The following SPMIP11 variants were observed in gnomAD, a reference collection of about 807,000 sequenced individuals.
SPMIP11 encodes the protein sperm microtubule inner protein 11, also known as long intergenic non-protein coding RNA 935.
chr12:48,757,506 C>A, the SPMIP11 span, among the ~76,000 whole-genome samples: 1 of 151,290 alleles, frequency 6.6e-6, no homozygotes, highest in African/African-American at 2.4e-5. Context: ...ATGAGCCAGG[C>A]GTGGTGGTGA....
the SPMIP11 span, among the ~76,000 whole-genome samples, chr12:48,752,414 C>T: frequency 2.0e-5 from 3 of 152,144 alleles, no homozygotes; most frequent in East Asian, 1.9e-4. Flanking sequence ...AAGAGCACCC[C>T]GACCAGTGAC....
chr12:48,742,986 C>T, the SPMIP11 span, among the ~76,000 whole-genome samples: 94 of 152,276 alleles, frequency 6.2e-4, no homozygotes, highest in African/African-American at 2.2e-3. Flanking sequence ...TAGTGGCTCA[C>T]GCCTATAATC....
At chr12:48,743,976 G>A in the SPMIP11 span, among the ~76,000 whole-genome samples, 2 of 147,742 alleles carry the variant, frequency 1.4e-5, no homozygotes, top group South Asian at 2.1e-4. Context: ...GGCCAGGCAC[G>A]GTGGCTCATA....
At chr12:48,759,723 AAG>A in the SPMIP11 span, among the ~76,000 whole-genome samples, 2 of 151,208 alleles carry the variant, frequency 1.3e-5, 1 homozygote, top group South Asian at 4.2e-4. Flanking sequence ...ATCAGGCAGG[AAG>A]AAAAAAAAAG....
chr12:48,771,074 T>C, the SPMIP11 span: 1 of 1,146,926 alleles, frequency 8.7e-7, no homozygotes, highest in Non-Finnish European at 1.2e-6. This position sits in a 1 kb window ranked among gnomAD's most constrained non-coding sequence, Gnocchi z 4.3. Context: ...CCCACTTCCC[T>C]GTCTCAAGAG....
chr12:48,743,933 CAAAAAAAAAAAAAAA>C, the SPMIP11 span, among the ~76,000 whole-genome samples: 10 of 34,892 alleles, frequency 2.9e-4, no homozygotes, highest in Non-Finnish European at 4.5e-4. Context: ...GACTTCGTCT[CAAAAAAAAAAAAAAA>C]AAAAAAAAAA....
chr12:48,728,253 T>A, the SPMIP11 span, among the ~76,000 whole-genome samples: 1 of 152,170 alleles, frequency 6.6e-6, no homozygotes, highest in Non-Finnish European at 1.5e-5. Context: ...ATTGTATGAT[T>A]ACATTAAATA....
chr12:48,763,941 G>T, the SPMIP11 span, among the ~76,000 whole-genome samples: 2 of 151,050 alleles, frequency 1.3e-5, no homozygotes, highest in African/African-American at 2.4e-5. Context: ...GCCTCTAAAA[G>T]TGCCGGGATT....
the SPMIP11 span, among the ~76,000 whole-genome samples, chr12:48,733,093 T>TTTA: frequency 1.3e-5 from 2 of 150,398 alleles, no homozygotes; most frequent in Non-Finnish European, 3.0e-5. Flanking sequence ...TTTTTTTTTT[T>TTTA]AGACTGAGTC....
chr12:48,737,343 G>A, the SPMIP11 span, among the ~76,000 whole-genome samples: 1 of 151,708 alleles, frequency 6.6e-6, no homozygotes, highest in East Asian at 1.9e-4. Flanking sequence ...TCATTGTTAT[G>A]AACACTCCAT....
At chr12:48,770,837 T>C in the SPMIP11 span, 1 of 1,614,230 alleles carries the variant, frequency 6.2e-7, no homozygotes, top group Non-Finnish European at 8.5e-7. Flanking sequence ...CCGCATGGCG[T>C]AGTCAGCCAG....
chr12:48,738,380 T>G, the SPMIP11 span, among the ~76,000 whole-genome samples: 1 of 145,982 alleles, frequency 6.9e-6, no homozygotes, highest in Non-Finnish European at 1.5e-5. Context: ...ATATAATGGT[T>G]GGAGATTGGG....
chr12:48,770,314 T>C, the SPMIP11 span, among the ~76,000 whole-genome samples: 1 of 152,130 alleles, frequency 6.6e-6, no homozygotes, highest in Non-Finnish European at 1.5e-5. Context: ...AGCCAGTAAA[T>C]GGAGCAGCCA....
chr12:48,736,433 A>T, the SPMIP11 span, among the ~76,000 whole-genome samples: 1 of 151,604 alleles, frequency 6.6e-6, no homozygotes, highest in Non-Finnish European at 1.5e-5. Context: ...AAAAAAAAAA[A>T]AAGAATTGCC....
the SPMIP11 span, among the ~76,000 whole-genome samples, chr12:48,749,126 G>A: frequency 6.6e-6 from 1 of 151,986 alleles, no homozygotes; most frequent in African/African-American, 2.4e-5. Context: ...GCTGGGCGTG[G>A]TGGTGCACGC....
At chr12:48,742,502 A>G in the SPMIP11 span, among the ~76,000 whole-genome samples, 1 of 151,458 alleles carries the variant, frequency 6.6e-6, no homozygotes, top group Non-Finnish European at 1.5e-5. Context: ...GGCTGGTCTC[A>G]AACTCCTGAC....
At chr12:48,767,227 T>C in the SPMIP11 span, 1 of 152,692 alleles carries the variant, frequency 6.5e-6, no homozygotes, top group Non-Finnish European at 1.5e-5. Context: ...AGTGCTGGCA[T>C]GGAGCACTGG....
At chr12:48,753,301 C>A in the SPMIP11 span, among the ~76,000 whole-genome samples, 1 of 152,200 alleles carries the variant, frequency 6.6e-6, no homozygotes, top group South Asian at 2.1e-4. Context: ...GACATGCTGA[C>A]CTTCAAGCTG....
At chr12:48,736,208 A>T in the SPMIP11 span, 2,307 of 368,912 alleles carry the variant, frequency 6.3e-3, 53 homozygotes, top group African/African-American at 0.049. Flanking sequence ...ATTAGAGACC[A>T]GGATGAACAA....
Sources: gnomAD v4.1 joint callset for allele counts (sites outside exome capture counted in the v4.1 genomes callset) on GRCh38, gnomAD v4.1.1 for gene constraint, Gnocchi (gnomAD v3.1) non-coding constraint, MANE v1.5 for transcripts, NCBI Gene and HGNC (gene_info 2026-07-23, HGNC 2026-07-21) for gene names.